The following AMOTL1 variants were observed in gnomAD, a reference collection of about 807,000 sequenced individuals.
AMOTL1 encodes angiomotin like 1, also known as angiomotin-like protein 1.
A neutral mutation model predicts 102.9 loss-of-function variants in AMOTL1; 45 were observed. That is an observed-to-expected ratio of 0.44 (90% CI 0.34 to 0.56). The LOEUF is 0.56. Among genes scored for constraint, AMOTL1 ranks in the 20% least tolerant of loss-of-function variants. The pLI is 0.01. For synonymous variants in AMOTL1, 481 were observed against 484.7 expected (o/e 0.99, Z 0.10); for missense variants, 1,114 against 1,225.6 (o/e 0.91, Z 1.36).
intron 4 of AMOTL1, among the ~76,000 whole-genome samples, chr11:94,826,301 C>CA (rs1282034204): frequency 1.3e-5 from 2 of 151,898 alleles, no homozygotes; most frequent in African/African-American, 2.4e-5. Context: ...AAAGCAAAAT[C>CA]AAAAAAACCC....
intron 1 of AMOTL1, among the ~76,000 whole-genome samples, chr11:94,772,933 G>A (rs766774743): frequency 6.6e-6 from 1 of 152,096 alleles, no homozygotes; most frequent in Non-Finnish European, 1.5e-5. Context: ...ATCTTACCAT[G>A]GTTTTAATTT....
chr11:94,836,633 T>C (rs1952187357), intron 6 of AMOTL1, among the ~76,000 whole-genome samples: 1 of 152,228 alleles, frequency 6.6e-6, no homozygotes, highest in Non-Finnish European at 1.5e-5. Context: ...TCCAGTCATG[T>C]TGAGAGAAAC....
In AMOTL1 at chr11:94,821,652, TG is replaced by T; in HGVS notation, c.1247del (p.Gly416ValfsTer33). On this transcript the variant is annotated frameshift_variant, in exon 4 of 13. Transcript: ENST00000433060. LOFTEE classifies it high-confidence loss of function. ...CTGCCGCTTCCACTCCCGATGGCCC[TG>T]GGTGCTCCACAGCCCCCGCCTGCCG... is the stretch of plus-strand genomic sequence containing the variant. ...VSLPLPLPMA[L>X]GAPQPPPAAS... 6.2e-7 allele frequency: 1 copy of T among 1,613,950 alleles called. No homozygotes were observed. Among genetic ancestry groups the T allele is most frequent in the Non-Finnish European group, 8.5e-7 (1 of 1,179,884 alleles).
At chr11:94,818,914 C>T (rs559578574) in intron 3 of AMOTL1, among the ~76,000 whole-genome samples, 1 of 152,270 alleles carries the variant, frequency 6.6e-6, no homozygotes, top group African/African-American at 2.4e-5. Flanking sequence ...CATATATAAA[C>T]CACTTTCATA....
chr11:94,762,344 A>G (rs1165480254), intron 3 of AMOTL1, among the ~76,000 whole-genome samples: 2 of 152,340 alleles, frequency 1.3e-5, no homozygotes, highest in East Asian at 3.9e-4. Flanking sequence ...AATCAGAGGC[A>G]ATTTTGCCCC....
At chr11:94,770,968 T>G (rs1950940308) in intron 1 of AMOTL1, among the ~76,000 whole-genome samples, 1 of 152,160 alleles carries the variant, frequency 6.6e-6, no homozygotes, top group Admixed American at 6.5e-5. Context: ...CTGAACTAAT[T>G]GAAATGAGCA....
At chr11:94,745,966 G>C (rs906199440) in intron 3 of AMOTL1, among the ~76,000 whole-genome samples, 2 of 152,146 alleles carry the variant, frequency 1.3e-5, no homozygotes, top group African/African-American at 4.8e-5. Context: ...ATGTGGAATG[G>C]TTTTCCATCT....
chr11:94,849,532 T>C (rs1397615249), intron 6 of AMOTL1, among the ~76,000 whole-genome samples: 1 of 152,128 alleles, frequency 6.6e-6, no homozygotes, highest in Non-Finnish European at 1.5e-5. Context: ...GCAGTTTTCC[T>C]AAATCTAAAG....
chr11:94,761,024 T>C (rs968954439), intron 3 of AMOTL1, among the ~76,000 whole-genome samples: 5 of 152,108 alleles, frequency 3.3e-5, no homozygotes, highest in Admixed American at 1.3e-4. Context: ...TCTTCCCGTC[T>C]TGGCCTCCCA....
intron 3 of AMOTL1, 94 bp from the exon 4 acceptor site, chr11:94,821,436 A>C (rs143480463): frequency 7.5e-7 from 1 of 1,338,290 alleles, no homozygotes; most frequent in East Asian, 2.5e-5. Context: ...GCCTCTGACC[A>C]TGGAAGCCAT....
chr11:94,832,672 C>G (rs758031194), intron 6 of AMOTL1, among the ~76,000 whole-genome samples: 7 of 152,170 alleles, frequency 4.6e-5, no homozygotes, highest in Non-Finnish European at 8.8e-5. Context: ...CAAAATTTAT[C>G]TTATATCTCT....
At position 94,821,499 on chromosome 11, in the gene AMOTL1, G is replaced by C. The variant is rs747165186; in HGVS notation, c.1122-31G>C. The C allele has an allele frequency of 6.9e-6, 11 of 1,599,550 alleles. No individual in the cohort carries two copies. In the Middle Eastern group the frequency reaches 6.7e-4, roughly 97 times the overall value. On this transcript the variant is annotated intron_variant, in intron 3 of 12. Coordinates refer to ENST00000433060, the MANE Select transcript of AMOTL1 (RefSeq NM_130847.3). The stretch of plus-strand genomic sequence containing the variant: ...CTTCCTGCTCCCACCATTTCCCCAG[G>C]CTCTAACTGCTGCCTTCCATTGCCT...
intron 1 of AMOTL1, among the ~76,000 whole-genome samples, chr11:94,771,382 T>G (rs1950949383): frequency 6.6e-6 from 1 of 152,070 alleles, no homozygotes; most frequent in Admixed American, 6.5e-5. Flanking sequence ...CAGGTTCTTA[T>G]GACTCAGAAT....
Position 94,781,116 on chromosome 11 carries a change from CT to C in AMOTL1, c.49+12563del, listed in dbSNP as rs1055923653. Among the ~76,000 whole-genome samples, 11 of 152,082 alleles carry C rather than the reference CT, an allele frequency of 7.2e-5. No homozygotes were observed. In the East Asian group the frequency reaches 2.1e-3, roughly 29 times the overall value. On this transcript the variant is annotated intron_variant, in intron 1 of 12. Transcript: ENST00000433060. ...TCACCTAAAACTAATCTCATGGAGCCTTTTTTTCCCCTAGTGAAATAATCAT... is the reference window on the plus strand; with the variant it reads ...TCACCTAAAACTAATCTCATGGAGCCTTTTTTCCCCTAGTGAAATAATCAT...
chr11:94,742,554 C>T (rs1273787836), intron 3 of AMOTL1, among the ~76,000 whole-genome samples: 2 of 152,156 alleles, frequency 1.3e-5, no homozygotes, highest in Non-Finnish European at 2.9e-5. Context: ...ACTGGACTGC[C>T]CCCATGAGGC....
At chr11:94,724,593 G>T (rs1591895861) in intron 1 of AMOTL1, among the ~76,000 whole-genome samples, 1 of 152,244 alleles carries the variant, frequency 6.6e-6, no homozygotes, top group South Asian at 2.1e-4. Context: ...ATGCATCTAT[G>T]CTTGTACTTG....
chr11:94,713,770 CT>C (rs1950053531), intron 1 of AMOTL1, among the ~76,000 whole-genome samples: 1 of 151,698 alleles, frequency 6.6e-6, no homozygotes, highest in South Asian at 2.1e-4. Flanking sequence ...GTTTCTTCTT[CT>C]TTTTCTTCTT....
chr11:94,874,558 G>C lies in AMOTL1; in HGVS notation c.*3763G>C, dbSNP rs1212511025. 2 of 152,256 alleles carry C rather than the reference G, an allele frequency of 1.3e-5. No homozygotes were observed. Among genetic ancestry groups the C allele is most frequent in the Admixed American group, 6.5e-5 (1 of 15,294 alleles). The allele number at this position is 152,256 out of a possible 1,614,324, so 9.4% of individuals were successfully genotyped here. A position where few individuals can be genotyped will look rare whatever the true frequency, so the allele number is the denominator to read the frequency against. On this transcript the variant is annotated 3_prime_UTR_variant, in exon 13 of 13. Transcript: ENST00000433060. ...AAATTAGTTCTGAACCTGGAACAGA[G>C]AATTCAGTGCTTCTGTTACTCAGGA... is the stretch of plus-strand genomic sequence containing the variant.
In AMOTL1 at chr11:94,819,727, G is replaced by C. The variant is rs139234479; in HGVS notation, c.1122-1803G>C. On this transcript the variant is annotated intron_variant, in intron 3 of 12. Transcript: ENST00000433060. ...ACCCAGACCACCTTGGGTAGATGTG[G>C]TCATGACCTCCTGAGGCTGTGTCAT... Among the ~76,000 whole-genome samples the C allele has an allele frequency of 4.2e-3, 634 of 152,272 alleles. 12 individuals carry two copies. Among genetic ancestry groups the C allele is most frequent in the South Asian group, 0.035 (169 of 4,820 alleles).
Sources: gnomAD v4.1 joint callset for allele counts (sites outside exome capture counted in the v4.1 genomes callset) on GRCh38, gnomAD v4.1.1 for gene constraint, MANE v1.5 for transcripts, NCBI Gene and HGNC (gene_info 2026-07-23, HGNC 2026-07-21) for gene names.